Variants in ART3 observed in about 807,000 individuals in gnomAD.
The protein encoded by ART3 is ecto-ADP-ribosyltransferase 3.
A neutral mutation model predicts 48.5 loss-of-function variants in ART3; 49 were observed. The observed-to-expected ratio is 1.01, with a 90% CI of 0.80 to 1.28. The LOEUF (loss-of-function observed/expected upper bound fraction) is 1.28, where lower values mean the gene tolerates loss of function less well. ART3 is among the 50% of genes most tolerant of loss of function. The pLI, the probability that ART3 is intolerant of heterozygous loss-of-function variation, is 0.00. For synonymous variants in ART3, 145 were observed against 157.2 expected (o/e 0.92, Z 0.58); for missense variants, 438 against 454.3 (o/e 0.96, Z 0.33).
At chr4:76,039,497 C>T (rs999679611) in intron 1 of ART3, among the ~76,000 whole-genome samples, 4 of 152,076 alleles carry the variant, frequency 2.6e-5, no homozygotes, top group Non-Finnish European at 5.9e-5. Flanking sequence ...AGCATTAACA[C>T]AAACACAACC....
At position 76,059,018 on chromosome 4, in the gene ART3, G is replaced by A. The variant is rs114426771; in HGVS notation, c.-9-16863G>A. 3.5e-3 allele frequency among the ~76,000 whole-genome samples: 536 copies of A among 152,332 alleles called. 4 individuals carry two copies. Among genetic ancestry groups the A allele is most frequent in the African/African-American group, 0.012 (517 of 41,580 alleles). On this transcript the variant is annotated intron_variant, in intron 1 of 9. Coordinates refer to the ART3 transcript ENST00000341029. ...GCCTTATCTGAGCATAGGTTGAACAGCTGGCTGTCCTTGATTGGCTGAAAC... is the reference window on the plus strand; with the variant it reads ...GCCTTATCTGAGCATAGGTTGAACAACTGGCTGTCCTTGATTGGCTGAAAC...
rs1286631233 is a variant in ART3 at position 76,057,363 on chromosome 4, A to G, written c.-9-18518A>G. The stretch of plus-strand genomic sequence containing the variant: ...GTGAAGTTTAGTTAACAATATTCCA[A>G]TGTTCCAATTGGTTCCAAGTACCAA... On this transcript the variant is annotated intron_variant, in intron 1 of 9. Transcript: ENST00000341029. Among the ~76,000 whole-genome samples the G allele has an allele frequency of 2.0e-5, 3 of 152,188 alleles. No homozygotes were observed. In the East Asian group the frequency reaches 5.8e-4, roughly 29 times the overall value.
chr4:76,081,619 T>C (rs1722490429), intron 2 of ART3, among the ~76,000 whole-genome samples: 1 of 152,180 alleles, frequency 6.6e-6, no homozygotes, highest in South Asian at 2.1e-4. Context: ...CACTGACATT[T>C]ACTCTTTCAC....
intron 11 of ART3, among the ~76,000 whole-genome samples, chr4:76,110,247 ATACAG>A (rs1396552766): frequency 6.6e-6 from 1 of 152,210 alleles, no homozygotes; most frequent in Non-Finnish European, 1.5e-5. Context: ...TTAAAAACCC[ATACAG>A]TACAACAACT....
At chr4:76,102,529 A>C (rs775548903) in intron 8 of ART3, among the ~76,000 whole-genome samples, 10 of 152,152 alleles carry the variant, frequency 6.6e-5, no homozygotes, top group Non-Finnish European at 1.3e-4. Flanking sequence ...ATTGTTAAAT[A>C]AAATATTACC....
intron 3 of ART3, among the ~76,000 whole-genome samples, chr4:76,088,681 A>G (rs970002958): frequency 1.3e-5 from 2 of 152,216 alleles, no homozygotes; most frequent in South Asian, 2.1e-4. Context: ...TGAGACATCA[A>G]TAAGATCCAT....
At chr4:76,083,448 G>A (rs1722913617) in intron 3 of ART3, among the ~76,000 whole-genome samples, 1 of 152,090 alleles carries the variant, frequency 6.6e-6, no homozygotes, top group South Asian at 2.1e-4. Context: ...TTTTTTATGT[G>A]TTCAGCTGTA....
intron 1 of ART3, chr4:76,041,344 G>T (rs959731598): frequency 2.0e-5 from 3 of 152,218 alleles, no homozygotes; most frequent in Admixed American, 2.0e-4. Context: ...GTATAATATG[G>T]TTTTTCTAGC....
chr4:76,034,888 A>T (rs1400193437), intron 1 of ART3: 6 of 1,422,404 alleles, frequency 4.2e-6, no homozygotes, highest in Non-Finnish European at 5.9e-6. Context: ...AAAAACATGT[A>T]GTAAGAAGGG....
intron 1 of ART3, among the ~76,000 whole-genome samples, chr4:76,049,834 A>T (rs934352582): frequency 2.6e-5 from 4 of 151,906 alleles, no homozygotes; most frequent in African/African-American, 9.7e-5. Context: ...TGACTTCAAG[A>T]ATGAAGCCGC....
chr4:76,104,085 C>T (rs1430900914), intron 9 of ART3, 116 bp downstream of exon 9: 2 of 1,153,656 alleles, frequency 1.7e-6, no homozygotes, highest in Non-Finnish European at 2.5e-6. Flanking sequence ...CTTATAGCTA[C>T]CTGCCAGTCA....
At chr4:76,042,556 G>C (rs1214741538) in intron 1 of ART3, among the ~76,000 whole-genome samples, 1 of 152,114 alleles carries the variant, frequency 6.6e-6, no homozygotes, top group Non-Finnish European at 1.5e-5. Flanking sequence ...GTGGGTTCTT[G>C]GTCTCGCTGA....
intron 1 of ART3, among the ~76,000 whole-genome samples, chr4:76,051,947 A>AG (rs1221365794): frequency 4.8e-5 from 6 of 123,758 alleles, no homozygotes; most frequent in African/African-American, 1.9e-4. Flanking sequence ...CTTGCTGCCC[A>AG]GGCTGGAGTG....
chr4:76,100,853 C>A, intron 7 of ART3, 29 bp downstream of exon 7: 1 of 1,607,774 alleles, frequency 6.2e-7, no homozygotes, highest in African/African-American at 1.3e-5. Flanking sequence ...ATTCTGGGGG[C>A]TTACATTTTA....
intron 1 of ART3, among the ~76,000 whole-genome samples, chr4:76,032,508 A>G (rs1733959753): frequency 6.6e-6 from 1 of 151,512 alleles, no homozygotes; most frequent in South Asian, 2.1e-4. Flanking sequence ...TGCCCAGCTG[A>G]CTATGTGAAT....
chr4:76,069,688 C>A (rs548235103), intron 1 of ART3, among the ~76,000 whole-genome samples: 56 of 152,108 alleles, frequency 3.7e-4, no homozygotes, highest in African/African-American at 1.2e-3. Context: ...CTGCATCCGG[C>A]CTTAATTCCT....
intron 1 of ART3, among the ~76,000 whole-genome samples, chr4:76,014,885 G>A (rs916556500): frequency 1.1e-4 from 16 of 152,162 alleles, no homozygotes; most frequent in Admixed American, 5.9e-4. Flanking sequence ...GAAGCAAGAG[G>A]GCAGTGAAAC....
intron 4 of ART3, 132 bp from the exon 5 acceptor site, chr4:76,098,823 T>G: frequency 1.4e-6 from 1 of 711,564 alleles, no homozygotes; most frequent in Non-Finnish European, 2.3e-6. Flanking sequence ...TCTGTTATAG[T>G]AACTGTATTT....
chr4:76,098,895 T>G, intron 4 of ART3, 60 bp from the exon 5 acceptor site: 4 of 1,381,966 alleles, frequency 2.9e-6, no homozygotes, highest in Non-Finnish European at 4.0e-6. Context: ...AAAAATAGAC[T>G]GATCCTGACA....
Sources: allele counts gnomAD v4.1 joint callset (sites outside exome capture counted in the v4.1 genomes callset), GRCh38; gene constraint gnomAD v4.1.1; transcripts MANE v1.5; gene names NCBI Gene and HGNC (gene_info 2026-07-23, HGNC 2026-07-21).